Variants in SLC44A3 observed in about 807,000 individuals in gnomAD.
The protein encoded by SLC44A3 is solute carrier family 44 member 3, also known as choline transporter-like protein 3.
Under a neutral mutation model 75.4 loss-of-function variants are expected in SLC44A3, and 74 were observed. The ratio of observed to expected loss-of-function variants is 0.98; its 90% confidence interval spans 0.81 to 1.19. SLC44A3 has a LOEUF of 1.19. Ranked by LOEUF, SLC44A3 falls within the 50% of genes most tolerant of loss-of-function variation. SLC44A3 has a pLI of 0.00. For missense variants in SLC44A3, 700 were observed against 778.6 expected (o/e 0.90, Z 1.20); for synonymous variants, 310 against 296.9 (o/e 1.04, Z -0.45).
rs781315981 is a variant in SLC44A3, at chr1:94,892,340, A to G, written c.1680A>G (p.Ala560=). 8.1e-6 allele frequency: 13 copies of G among 1,614,198 alleles called. No individual in the cohort carries two copies. The Middle Eastern group carries it at 6.6e-4, about 82-fold the overall frequency. Residue 560 remains alanine (A), a synonymous_variant, in exon 14 of 15, where the codon GCA becomes GCG. Coordinates refer to ENST00000271227, the MANE Select transcript of SLC44A3 (RefSeq NM_001114106.3). Reference sequence around the variant, plus strand: ...TCATGGCTTTTAACTACAATCGGGCATTCCAGGTGTGGGCAGTCCCTCTGT... The same window carrying G: ...TCATGGCTTTTAACTACAATCGGGCGTTCCAGGTGTGGGCAGTCCCTCTGT... ...GGLMAFNYNR[A]FQVWAVPLLL...
intron 12 of SLC44A3, among the ~76,000 whole-genome samples, chr1:94,883,886 C>T (rs753426374): frequency 2.0e-5 from 3 of 151,986 alleles, no homozygotes; most frequent in East Asian, 1.9e-4. Context: ...ATTATCGTAG[C>T]GCATGCTCAG....
intron 11 of SLC44A3, among the ~76,000 whole-genome samples, chr1:94,865,766 G>T (rs1667100155): frequency 6.6e-6 from 1 of 152,154 alleles, no homozygotes; most frequent in African/African-American, 2.4e-5. Context: ...AACCTTTTGA[G>T]TATAGCTATG....
Position 94,845,283 on chromosome 1 carries a change from G to T in SLC44A3, c.891G>T (p.Val297=), listed in dbSNP as rs1664259786. 6.2e-7 allele frequency: 1 copy of T among 1,607,998 alleles called. No homozygotes were observed. The highest frequency in any genetic ancestry group is 8.5e-7 in the Non-Finnish European group (1 of 1,176,948). ...TCAAATCCCTTTCTCACCAGGCAGT[G>T]CTGCTCGTCTTGATTTTTGTTCTCA... is the stretch of plus-strand genomic sequence containing the variant. ...FAIVSTGITA[V]LLVLIFVLRK... The change falls in exon 9 of 15, where the codon GTG becomes GTT. Residue 297 remains valine, a synonymous_variant. Coordinates refer to ENST00000271227, the MANE Select transcript of SLC44A3 (RefSeq NM_001114106.3).
chr1:94,848,777 A>G (rs994587346), intron 9 of SLC44A3, among the ~76,000 whole-genome samples: 5 of 152,180 alleles, frequency 3.3e-5, no homozygotes, highest in African/African-American at 1.2e-4. Flanking sequence ...CGCAGTGAAG[A>G]TTGATGGATG....
At chr1:94,848,091 T>C (rs1197041378) in intron 9 of SLC44A3, among the ~76,000 whole-genome samples, 1 of 151,956 alleles carries the variant, frequency 6.6e-6, no homozygotes, top group Non-Finnish European at 1.5e-5. Flanking sequence ...TAGCCGGGCG[T>C]GGTGGCGGGC....
At chr1:94,884,281 AT>A in intron 12 of SLC44A3, among the ~76,000 whole-genome samples, 2 of 71,138 alleles carry the variant, frequency 2.8e-5, no homozygotes, top group South Asian at 4.1e-4. Flanking sequence ...TCCTGAAGGG[AT>A]CTGAACGGTG....
At chr1:94,890,489 C>G (rs1670090148) in intron 12 of SLC44A3, among the ~76,000 whole-genome samples, 1 of 152,212 alleles carries the variant, frequency 6.6e-6, no homozygotes, top group African/African-American at 2.4e-5. Context: ...TAGTGCATTT[C>G]TGTACCACCT....
chr1:94,829,130 A>C (rs1473400071), intron 5 of SLC44A3, among the ~76,000 whole-genome samples: 2 of 152,072 alleles, frequency 1.3e-5, no homozygotes, highest in African/African-American at 4.8e-5. Flanking sequence ...TAAAAATACA[A>C]AAATTAGCCG....
chr1:94,868,291 A>G (rs888440282), intron 12 of SLC44A3, among the ~76,000 whole-genome samples: 2 of 152,220 alleles, frequency 1.3e-5, no homozygotes, highest in African/African-American at 4.8e-5. Context: ...AGTATTTCTT[A>G]TAATTGCCCC....
intron 9 of SLC44A3, among the ~76,000 whole-genome samples, chr1:94,848,087 G>A (rs968749581): frequency 1.3e-5 from 2 of 152,118 alleles, no homozygotes; most frequent in Admixed American, 1.3e-4. Flanking sequence ...AACTTAGCCG[G>A]GCGTGGTGGC....
In SLC44A3 at chr1:94,828,579, C is replaced by T. The variant is rs373005954; in HGVS notation, c.502C>T (p.Pro168Ser). 6.2e-7 allele frequency: 1 copy of T among 1,613,712 alleles called. No individual in the cohort carries two copies. Among genetic ancestry groups the T allele is most frequent in the Admixed American group, 1.7e-5 (1 of 59,984 alleles). ...ADSLCPRLPV[P>S]PSKSFPLFNR... ...CTCACTGTGTCCCAGGCTACCAGTT[C>T]CTCCAAGGTAAAAGCTTCCATACTT... The change falls in exon 5 of 15, where the codon CCT (proline) becomes TCT (serine). Residue 168 changes from proline to serine, a missense_variant. Coordinates refer to ENST00000271227, the MANE Select transcript of SLC44A3 (RefSeq NM_001114106.3).
At chr1:94,878,126 C>T (rs1316525375) in intron 12 of SLC44A3, among the ~76,000 whole-genome samples, 2 of 151,896 alleles carry the variant, frequency 1.3e-5, no homozygotes, top group African/African-American at 2.4e-5. Flanking sequence ...CCCAGCTACT[C>T]GGGAGGCTGA....
chr1:94,891,338 G>C (rs1348107915), intron 13 of SLC44A3, 71 bp downstream of exon 13: 1 of 1,480,910 alleles, frequency 6.8e-7, no homozygotes, highest in African/African-American at 1.4e-5. Context: ...TGGTTTGAAA[G>C]GGAACTATAT....
At chr1:94,894,066 G>A (rs1670505645) in intron 14 of SLC44A3, among the ~76,000 whole-genome samples, 1 of 152,006 alleles carries the variant, frequency 6.6e-6, no homozygotes, top group Non-Finnish European at 1.5e-5. Flanking sequence ...TTGCACTCCA[G>A]CCTGGGCGAC....
chr1:94,872,418 T>A lies in SLC44A3; in HGVS notation c.1482+5001T>A, dbSNP rs182201933. Among the ~76,000 whole-genome samples, 104 of 152,266 alleles carry A rather than the reference T, an allele frequency of 6.8e-4. 1 individual carries two copies. Among genetic ancestry groups the A allele is most frequent in the African/African-American group, 2.5e-3 (102 of 41,544 alleles). ...GCCTTTTGTTTATTCATTCTTTTTT[T>A]TTTTAAATCACTTTAAGCATTGCAT... is the stretch of plus-strand genomic sequence containing the variant. On this transcript the variant is annotated intron_variant, in intron 12 of 14. Transcript: ENST00000271227.
At chr1:94,881,768 C>T (rs916701655) in intron 12 of SLC44A3, among the ~76,000 whole-genome samples, 3 of 149,778 alleles carry the variant, frequency 2.0e-5, no homozygotes, top group African/African-American at 4.9e-5. Context: ...AATCCCAGCA[C>T]TTTGGGAGGC....
chr1:94,845,465 G>A lies in SLC44A3; in HGVS notation c.1072+1G>A, dbSNP rs759615007. On this transcript the variant is annotated splice_donor_variant, in intron 9 of 14. Transcript: ENST00000271227. LOFTEE classifies it high-confidence loss of function. ...GTGCTGCTGAGCCTGGGAACTGCAGGTAAGGGACAGTGGGTGTGGGTTCCA... is the reference window on the plus strand; with the variant it reads ...GTGCTGCTGAGCCTGGGAACTGCAGATAAGGGACAGTGGGTGTGGGTTCCA... The A allele has an allele frequency of 2.1e-5, 34 of 1,606,630 alleles. No individual in the cohort carries two copies. Among genetic ancestry groups the A allele is most frequent in the Non-Finnish European group, 2.9e-5 (34 of 1,178,730 alleles).
intron 1 of SLC44A3, chr1:94,820,739 C>G: frequency 1.4e-6 from 2 of 1,392,648 alleles, no homozygotes; most frequent in Non-Finnish European, 1.9e-6. Flanking sequence ...CACTTGGCGG[C>G]AGGGGGCTTA....
chr1:94,845,369 C>A lies in SLC44A3; in HGVS notation c.977C>A (p.Ala326Asp). 1.2e-6 allele frequency: 2 copies of A among 1,614,110 alleles called. No homozygotes were observed. Among genetic ancestry groups the A allele is most frequent in the Non-Finnish European group, 1.7e-6 (2 of 1,179,972 alleles). ...FQITNKAISS[A>D]PFLLFQPLWT... The stretch of plus-strand genomic sequence containing the variant: ...ATCACAAATAAAGCCATCAGCAGTG[C>A]TCCCTTCCTGCTGTTCCAGCCACTG... Residue 326 changes from alanine to aspartate, a missense_variant, in exon 9 of 15, where the codon GCT becomes GAT. By Grantham distance (126) the Ala-to-Asp change is moderately radical. Coordinates refer to ENST00000271227, the MANE Select transcript of SLC44A3 (RefSeq NM_001114106.3).
Sources: allele counts gnomAD v4.1 joint callset (sites outside exome capture counted in the v4.1 genomes callset), GRCh38; gene constraint gnomAD v4.1.1; transcripts MANE v1.5; gene names NCBI Gene and HGNC (gene_info 2026-07-23, HGNC 2026-07-21).